ZNRF3: variants seen among roughly 807,000 people sequenced by gnomAD.
ZNRF3 encodes the protein E3 ubiquitin-protein ligase ZNRF3.
Under a neutral mutation model 72.5 loss-of-function variants are expected in ZNRF3, and 23 were observed. The ratio of observed to expected loss-of-function variants is 0.32; its 90% CI spans 0.23 to 0.45. ZNRF3 has a LOEUF of 0.45. Among genes scored for constraint, ZNRF3 ranks in the 20% least tolerant of loss-of-function variants. ZNRF3 has a pLI of 1.00. For synonymous variants in ZNRF3, 610 were observed against 545.3 expected (o/e 1.12, Z -1.65); for missense variants, 1,169 against 1,272.1 (o/e 0.92, Z 1.23).
chr22:28,903,413 A>G lies in ZNRF3; in HGVS notation c.300+19347A>G, dbSNP rs577373033. Among the ~76,000 whole-genome samples the G allele has an allele frequency of 2.6e-5, 4 of 152,328 alleles. No individual in the cohort carries two copies. In the East Asian group the frequency reaches 5.8e-4, roughly 22 times the overall value. ...AAGCCTGTGCTCTGGGGGCCTAATT[A>G]CGTGGGACTTGGGGCAAGCACAAGT... On this transcript the variant is annotated intron_variant, in intron 1 of 8. Coordinates refer to ENST00000544604, the MANE Select transcript of ZNRF3 (RefSeq NM_001206998.2).
chr22:29,048,415 C>T lies in ZNRF3; in HGVS notation c.939C>T (p.His313=), dbSNP rs767456310. The change falls in exon 7 of 9, where the codon CAC becomes CAT. Residue 313 remains histidine (H), a synonymous_variant. Coordinates refer to ENST00000544604, the MANE Select transcript of ZNRF3 (RefSeq NM_001206998.2). This position sits in a 1 kb window ranked among gnomAD's most constrained non-coding sequence, Gnocchi z 4.9. ...AGCTGCGGGTCATCCCCTGTACTCA[C>T]CGGTTTCACAGGAAGTGCGTGGACC... ...GEELRVIPCT[H]RFHRKCVDPW... is the part of the protein sequence containing the mutation. The T allele has an allele frequency of 8.1e-6, 13 of 1,614,064 alleles. No homozygotes were observed. In the Admixed American group the frequency reaches 1.8e-4, roughly 23 times the overall value.
At chr22:28,998,229 G>C (rs1401880447) in intron 2 of ZNRF3, among the ~76,000 whole-genome samples, 1 of 152,024 alleles carries the variant, frequency 6.6e-6, no homozygotes. Flanking sequence ...AATCAGAGAG[G>C]CAAAGGTTGC....
At chr22:29,020,020 C>T (rs1410978438) in intron 2 of ZNRF3, among the ~76,000 whole-genome samples, 2 of 151,884 alleles carry the variant, frequency 1.3e-5, no homozygotes. Context: ...CCCCCCAATC[C>T]CCCCATGGAT....
At chr22:29,029,461 C>G (rs1480823483) in intron 2 of ZNRF3, among the ~76,000 whole-genome samples, 1 of 152,174 alleles carries the variant, frequency 6.6e-6, no homozygotes, top group African/African-American at 2.4e-5. Context: ...CCAGTGCATG[C>G]TGGTTAGATG....
intron 1 of ZNRF3, among the ~76,000 whole-genome samples, chr22:28,903,015 C>T (rs2034136261): frequency 6.6e-6 from 1 of 152,104 alleles, no homozygotes; most frequent in African/African-American, 2.4e-5. Flanking sequence ...TGCCTTTCTA[C>T]TTGCACCTAT....
At chr22:28,905,005 A>T (rs533936397) in intron 1 of ZNRF3, among the ~76,000 whole-genome samples, 1 of 150,352 alleles carries the variant, frequency 6.7e-6, no homozygotes, top group East Asian at 2.0e-4. Flanking sequence ...CTGTGGAATG[A>T]TCATAGCTCA....
At chr22:29,029,004 C>G (rs562934410) in intron 2 of ZNRF3, among the ~76,000 whole-genome samples, 1 of 152,314 alleles carries the variant, frequency 6.6e-6, no homozygotes, top group East Asian at 1.9e-4. Context: ...TAGGACCATC[C>G]TCCTGGAGGC....
At chr22:28,909,365 C>G (rs1182436533) in intron 1 of ZNRF3, among the ~76,000 whole-genome samples, 2 of 152,120 alleles carry the variant, frequency 1.3e-5, no homozygotes, top group Non-Finnish European at 2.9e-5. Context: ...TGGACCTCTC[C>G]TGGGGGCGTG....
chr22:28,890,557 C>T (rs752884113), intron 1 of ZNRF3, among the ~76,000 whole-genome samples: 1 of 151,966 alleles, frequency 6.6e-6, no homozygotes, highest in Non-Finnish European at 1.5e-5. Flanking sequence ...AGGCAGGGTA[C>T]CTGGCATAAG....
chr22:29,013,529 T>C (rs769618523), intron 2 of ZNRF3, among the ~76,000 whole-genome samples: 11 of 152,206 alleles, frequency 7.2e-5, no homozygotes, highest in Non-Finnish European at 1.3e-4. Context: ...CCTTGGAACA[T>C]GTGCTGATTA....
intron 1 of ZNRF3, among the ~76,000 whole-genome samples, chr22:28,921,030 A>G (rs555617994): frequency 6.0e-4 from 92 of 152,382 alleles, no homozygotes; most frequent in Admixed American, 3.5e-3. Context: ...AATTTCAAAC[A>G]GGAGGGAAGA....
intron 1 of ZNRF3, among the ~76,000 whole-genome samples, chr22:28,915,816 T>TG (rs2034397223): frequency 6.6e-6 from 1 of 152,234 alleles, no homozygotes; most frequent in Non-Finnish European, 1.5e-5. Flanking sequence ...TAATTTTGCC[T>TG]GAGTAGGTCT....
intron 2 of ZNRF3, among the ~76,000 whole-genome samples, chr22:29,032,190 G>C (rs2036775183): frequency 6.6e-6 from 1 of 152,210 alleles, no homozygotes; most frequent in Non-Finnish European, 1.5e-5. Flanking sequence ...GTGATAATGG[G>C]AGGAGGCTGT....
At chr22:29,038,357 G>T (rs74642582) in intron 2 of ZNRF3, among the ~76,000 whole-genome samples, 1 of 141,024 alleles carries the variant, frequency 7.1e-6, no homozygotes, top group African/African-American at 2.7e-5. Context: ...TTTTTTTTAA[G>T]ACAGGGTCTC....
chr22:28,971,678 G>C (rs2035578451), intron 1 of ZNRF3, among the ~76,000 whole-genome samples: 1 of 152,138 alleles, frequency 6.6e-6, no homozygotes, highest in South Asian at 2.1e-4. Flanking sequence ...TGGAGTAATG[G>C]AGCTCAGCTG....
At chr22:28,928,587 G>A (rs937151173) in intron 1 of ZNRF3, among the ~76,000 whole-genome samples, 2 of 149,280 alleles carry the variant, frequency 1.3e-5, no homozygotes, top group Non-Finnish European at 3.0e-5. Flanking sequence ...TCCACCTCCC[G>A]GGTTTAAGCA....
At chr22:29,002,930 C>G (rs569812544) in intron 2 of ZNRF3, among the ~76,000 whole-genome samples, 1 of 152,272 alleles carries the variant, frequency 6.6e-6, no homozygotes, top group East Asian at 1.9e-4. Flanking sequence ...GAGACCATTT[C>G]CCATGTTCTT....
At chr22:28,994,493 C>T (rs186283868) in intron 2 of ZNRF3, among the ~76,000 whole-genome samples, 59 of 152,080 alleles carry the variant, frequency 3.9e-4, no homozygotes, top group African/African-American at 1.3e-3. Flanking sequence ...CCGGCTCCTT[C>T]GTTCCTTTTA....
chr22:28,897,069 C>T (rs1311221241), intron 1 of ZNRF3, among the ~76,000 whole-genome samples: 1 of 152,222 alleles, frequency 6.6e-6, no homozygotes, highest in East Asian at 1.9e-4. Context: ...CTGCAGTCGG[C>T]TCTCACATTC....
Sources: allele counts gnomAD v4.1 joint callset (sites outside exome capture counted in the v4.1 genomes callset), GRCh38; gene constraint gnomAD v4.1.1; non-coding constraint Gnocchi (gnomAD v3.1); transcripts MANE v1.5; gene names NCBI Gene and HGNC (gene_info 2026-07-23, HGNC 2026-07-21).